CHMP7: variants seen among roughly 807,000 people sequenced by gnomAD.
CHMP7 encodes the protein CHMP family, member 7.
Under a neutral mutation model 53.7 loss-of-function variants are expected in CHMP7, and 15 were observed. That is an observed-to-expected ratio of 0.28 (90% confidence interval 0.19 to 0.43). The LOEUF is 0.43. CHMP7 is among the 20% of genes least tolerant of loss of function. CHMP7 has a pLI of 1.00. For missense variants in CHMP7, 527 were observed against 569.4 expected, an observed-to-expected ratio of 0.93 and a Z score of 0.76; for synonymous variants, 261 against 228.0, an observed-to-expected ratio of 1.14 and a Z score of -1.30.
At chr8:23,253,271 A>C (rs12544414) in intron 3 of CHMP7, among the ~76,000 whole-genome samples, 115,395 of 152,156 alleles carry the variant, frequency 0.76, 45,779 homozygotes, top group South Asian at 0.96. Flanking sequence ...TCTTGGATAT[A>C]GCTCAGACAT....
rs1161518159 is a variant in CHMP7, at chr8:23,261,684, G to C, written c.*1085G>C. 1 of 152,664 alleles carries C rather than the reference G, an allele frequency of 6.6e-6. No individual in the cohort carries two copies. Among genetic ancestry groups the C allele is most frequent in the Non-Finnish European group, 1.5e-5 (1 of 68,108 alleles). The allele number at this position is 152,664 out of a possible 1,614,324, so 9.5% of individuals were successfully genotyped here. ...CACTCCCTGCCTCCTTTGAGGGACT[G>C]GGGGACTTGGGGTAGGGGGACAGAC... On this transcript the variant is annotated 3_prime_UTR_variant, in exon 11 of 11. Coordinates refer to ENST00000397677, the MANE Select transcript of CHMP7 (RefSeq NM_152272.5).
intron 2 of CHMP7, among the ~76,000 whole-genome samples, chr8:23,248,970 GA>G (rs1487894719): frequency 6.6e-6 from 1 of 152,156 alleles, no homozygotes; most frequent in Non-Finnish European, 1.5e-5. Flanking sequence ...CTTACCTTCT[GA>G]GTCCCTCAGT....
At chr8:23,247,729 A>G (rs1374186407) in intron 2 of CHMP7, among the ~76,000 whole-genome samples, 1 of 152,130 alleles carries the variant, frequency 6.6e-6, no homozygotes, top group Non-Finnish European at 1.5e-5. Flanking sequence ...GAGGAAACTG[A>G]GTTTCAGAGA....
intron 4 of CHMP7, 107 bp downstream of exon 4, chr8:23,255,539 C>T: frequency 1.1e-6 from 1 of 927,360 alleles, no homozygotes; most frequent in Non-Finnish European, 1.7e-6. Flanking sequence ...CAGTAACCTG[C>T]CGTCAACCAC....
At chr8:23,255,087 G>A in intron 3 of CHMP7, 160 bp from the exon 4 acceptor site, 1 of 694,388 alleles carries the variant, frequency 1.4e-6, no homozygotes, top group African/African-American at 1.8e-5. Context: ...TAAAAACACA[G>A]ATCCTTCCTC....
intron 1 of CHMP7, among the ~76,000 whole-genome samples, chr8:23,245,846 G>A (rs2128856114): frequency 6.6e-6 from 1 of 152,336 alleles, no homozygotes; most frequent in Non-Finnish European, 1.5e-5. Flanking sequence ...TGTTTTGGCA[G>A]AGTGTGCTTT....
rs1404019773 is a variant in CHMP7 at position 23,255,287 on chromosome 8, C to T, written c.512C>T (p.Pro171Leu). 4 of 1,614,192 alleles carry T rather than the reference C, an allele frequency of 2.5e-6. No homozygotes were observed. Among genetic ancestry groups the T allele is most frequent in the Non-Finnish European group, 3.4e-6 (4 of 1,180,042 alleles). The change falls in exon 4 of 11, where the codon CCC (proline) becomes CTC (leucine). Residue 171 changes from proline to leucine, a missense_variant. Coordinates refer to ENST00000397677, the MANE Select transcript of CHMP7 (RefSeq NM_152272.5). The stretch of plus-strand genomic sequence containing the variant: ...GTGTATCGTCTGTATCAGAACTCGC[C>T]CCTCTCCTCCCACCCCGTGGTGGCC... ...EEVYRLYQNS[P>L]LSSHPVVALS...
chr8:23,246,872 G>C lies in CHMP7; in HGVS notation c.177G>C (p.Leu59Phe). The C allele has an allele frequency of 6.3e-7, 1 of 1,592,930 alleles. No homozygotes were observed. The highest frequency in any genetic ancestry group is 1.7e-4 in the Middle Eastern group (1 of 5,930). Reference protein sequence around the residue: ...WDSKMGFWAPLVLSHSRRQGV... With the variant: ...WDSKMGFWAPFVLSHSRRQGV... ...GCAAGATGGGCTTCTGGGCGCCGTT[G>C]GTGCTGAGCCACAGCCGCCGCCAGG... The change falls in exon 2 of 11, where the codon TTG (leucine) becomes TTC (phenylalanine). Residue 59 changes from leucine to phenylalanine, a missense_variant. Physicochemically the swap from Leu to Phe is conservative, Grantham distance 22. Transcript: ENST00000397677.
At chr8:23,257,885 C>T (rs56164900) in intron 5 of CHMP7, 148 bp from the exon 6 acceptor site, 67,647 of 636,950 alleles carry the variant, frequency 0.11, 5,025 homozygotes, top group South Asian at 0.27. Context: ...GAGTTTTTGC[C>T]GTCAGCATCA....
At chr8:23,254,130 T>C (rs2128858655) in intron 3 of CHMP7, among the ~76,000 whole-genome samples, 1 of 151,182 alleles carries the variant, frequency 6.6e-6, no homozygotes, top group Middle Eastern at 3.4e-3. Context: ...CTTCCCGAGA[T>C]ACCCGTTTCA....
rs1202015371 is a variant in CHMP7, at chr8:23,256,553, C to T, written c.751C>T (p.Leu251Phe). ...CCAGCTGATGCAGAGTGAACAGCTT[C>T]TCTCACGCAAAGTGGAGTCCTTATC... ...VYQLMQSEQL[L>F]SRKVESLSQE... Residue 251 changes from leucine to phenylalanine, a missense_variant, in exon 5 of 11, where the codon CTC becomes TTC. Physicochemically the swap from Leu to Phe is conservative, Grantham distance 22. Coordinates refer to ENST00000397677, the MANE Select transcript of CHMP7 (RefSeq NM_152272.5). The T allele has an allele frequency of 1.2e-6, 2 of 1,613,946 alleles. No homozygotes were observed. The highest frequency in any genetic ancestry group is 4.5e-5 in the East Asian group (2 of 44,886).
At chr8:23,255,854 C>G (rs1037260960) in intron 4 of CHMP7, among the ~76,000 whole-genome samples, 1 of 151,874 alleles carries the variant, frequency 6.6e-6, no homozygotes, top group Non-Finnish European at 1.5e-5. Context: ...CTCCGCCTCC[C>G]GGGTTCAAGC....
chr8:23,253,959 A>G (rs987247188), intron 3 of CHMP7, among the ~76,000 whole-genome samples: 2 of 152,168 alleles, frequency 1.3e-5, no homozygotes, highest in Non-Finnish European at 2.9e-5. Flanking sequence ...GTGACCACCC[A>G]CCATCTACAG....
In CHMP7 at chr8:23,253,792, C is replaced by T. The variant is rs189689981; in HGVS notation, c.472-1455C>T. ...TTCTGAATTTTGTTTGTCTCCACCACTCCTCTTTCTATGTTTATTATTCAA... is the reference window on the plus strand; with the variant it reads ...TTCTGAATTTTGTTTGTCTCCACCATTCCTCTTTCTATGTTTATTATTCAA... On this transcript the variant is annotated intron_variant, in intron 3 of 10. Transcript: ENST00000397677. Among the ~76,000 whole-genome samples, 345 of 152,284 alleles carry T rather than the reference C, an allele frequency of 2.3e-3. 1 individual carries two copies. The highest frequency in any genetic ancestry group is 7.9e-3 in the African/African-American group (328 of 41,550).
intron 2 of CHMP7, among the ~76,000 whole-genome samples, chr8:23,248,969 T>C (rs1211525451): frequency 2.6e-5 from 4 of 152,238 alleles, no homozygotes; most frequent in Admixed American, 2.0e-4. Flanking sequence ...GCTTACCTTC[T>C]GAGTCCCTCA....
At chr8:23,245,669 A>G (rs567157759) in intron 1 of CHMP7, among the ~76,000 whole-genome samples, 4 of 151,296 alleles carry the variant, frequency 2.6e-5, no homozygotes, top group East Asian at 2.0e-4. Context: ...TTTTGTTTCT[A>G]TCTTATAAAA....
rs192093745 is a variant in CHMP7 at position 23,243,799 on chromosome 8, C to T, written c.-486C>T. The T allele has an allele frequency of 2.5e-4, 40 of 156,982 alleles. No individual in the cohort carries two copies. The highest frequency in any genetic ancestry group is 9.1e-4 in the African/African-American group (38 of 41,642). 9.7% of individuals were successfully genotyped at this position (156,982 alleles called of 1,614,324 possible). A position where few individuals can be genotyped will look rare whatever the true frequency, so the allele number is the denominator to read the frequency against. ...AGTTCCTGTTGCTCTGCATCCTCACCAGCATTTGGTGTGGTCAGTATTTTG... is the reference window on the plus strand; with the variant it reads ...AGTTCCTGTTGCTCTGCATCCTCACTAGCATTTGGTGTGGTCAGTATTTTG... On this transcript the variant is annotated 5_prime_UTR_variant, in exon 1 of 11. An upstream open reading frame in the 5' UTR gains an earlier in-frame stop. Coordinates refer to ENST00000397677, the MANE Select transcript of CHMP7 (RefSeq NM_152272.5).
chr8:23,249,469 C>A, intron 3 of CHMP7, 88 bp downstream of exon 3: 2 of 1,092,642 alleles, frequency 1.8e-6, no homozygotes, highest in African/African-American at 1.6e-5. Context: ...GAAAAAAGAC[C>A]GTCTCTTTTT....
At chr8:23,259,034 C>G (rs776169955) in intron 8 of CHMP7, 32 bp from the exon 9 acceptor site, 1 of 1,483,782 alleles carries the variant, frequency 6.7e-7, no homozygotes, top group South Asian at 1.1e-5. Flanking sequence ...GCCACCATGC[C>G]CAGCTCAAGG....
Sources: allele counts gnomAD v4.1 joint callset (sites outside exome capture counted in the v4.1 genomes callset), GRCh38; gene constraint gnomAD v4.1.1; transcripts MANE v1.5; gene names NCBI Gene and HGNC (gene_info 2026-07-23, HGNC 2026-07-21).